Variants in FAM81B observed in about 807,000 individuals in gnomAD.
The protein encoded by FAM81B is family with sequence similarity 81 member B, also known as protein FAM81B.
FAM81B carries 60 observed loss-of-function variants against 58.7 expected under a neutral mutation model. The ratio of observed to expected loss-of-function variants is 1.02; its 90% CI spans 0.83 to 1.27. FAM81B has a LOEUF of 1.27. Among genes scored for constraint, FAM81B ranks in the 50% most tolerant of loss-of-function variants. The pLI, the probability that FAM81B is intolerant of heterozygous loss-of-function variation, is 0.00. For missense variants in FAM81B, 491 were observed against 522.0 expected, an observed-to-expected ratio of 0.94 and a Z score of 0.58; for synonymous variants, 189 against 179.6, an observed-to-expected ratio of 1.05 and a Z score of -0.42.
intron 6 of FAM81B, among the ~76,000 whole-genome samples, chr5:95,436,020 G>A (rs540626270): frequency 3.0e-4 from 46 of 152,080 alleles, no homozygotes; most frequent in South Asian, 1.0e-3. Context: ...CCATATGACC[G>A]TCTTTATTAG....
Position 95,428,642 on chromosome 5 carries a change from C to T in FAM81B, c.696C>T (p.His232=), listed in dbSNP as rs1251555795. The change falls in exon 6 of 10, where the codon CAC becomes CAT. Residue 232 remains histidine, a synonymous_variant. Coordinates refer to ENST00000283357, the MANE Select transcript of FAM81B (RefSeq NM_152548.3). Reference sequence around the variant, plus strand: ...TTGTGAAGCTTTCTGGAGACATTCACTTATTCAGGCAAGAGCACCGGCAAA... The same window carrying T: ...TTGTGAAGCTTTCTGGAGACATTCATTTATTCAGGCAAGAGCACCGGCAAA... ...SSIVKLSGDI[H]LFRQEHRQIE... 1 of 1,613,980 alleles carries T rather than the reference C, an allele frequency of 6.2e-7. No homozygotes were observed. Among genetic ancestry groups the T allele is most frequent in the South Asian group, 1.1e-5 (1 of 91,082 alleles).
At chr5:95,448,553 C>G in intron 9 of FAM81B, 89 bp downstream of exon 9, 1 of 1,213,472 alleles carries the variant, frequency 8.2e-7, no homozygotes. Flanking sequence ...GGCCAGGGAT[C>G]AATCTTGTCA....
chr5:95,439,538 G>T (rs192620927), intron 7 of FAM81B, among the ~76,000 whole-genome samples: 52 of 151,286 alleles, frequency 3.4e-4, no homozygotes, highest in Admixed American at 3.4e-3. Context: ...TCACATTAGA[G>T]ATATTAACCA....
At chr5:95,448,120 A>G (rs1425376467) in intron 8 of FAM81B, 149 bp from the exon 9 acceptor site, 1 of 698,754 alleles carries the variant, frequency 1.4e-6, no homozygotes, top group African/African-American at 1.8e-5. Context: ...ATTAACTCTT[A>G]TACTTATGAA....
At chr5:95,416,751 A>G (rs571568433) in intron 4 of FAM81B, among the ~76,000 whole-genome samples, 38 of 152,276 alleles carry the variant, frequency 2.5e-4, no homozygotes, top group African/African-American at 8.7e-4. Context: ...TGCATGGTGC[A>G]TACACCATGA....
chr5:95,434,547 T>G (rs1745025638), intron 6 of FAM81B, among the ~76,000 whole-genome samples: 1 of 152,200 alleles, frequency 6.6e-6, no homozygotes, highest in South Asian at 2.1e-4. Context: ...TTACTTTAAT[T>G]ACAGCTGCAA....
At chr5:95,414,214 TG>T in intron 4 of FAM81B, 24 bp downstream of exon 4, 1 of 1,588,050 alleles carries the variant, frequency 6.3e-7, no homozygotes. Context: ...TGTTTTATTT[TG>T]TTTTTGTTTT....
intron 5 of FAM81B, chr5:95,424,037 T>A: frequency 7.8e-7 from 1 of 1,289,502 alleles, no homozygotes; most frequent in Non-Finnish European, 1.0e-6. Context: ...TCTTTATCAT[T>A]TCTATCATCT....
chr5:95,428,108 T>C (rs1212194794), intron 5 of FAM81B, among the ~76,000 whole-genome samples: 4 of 152,142 alleles, frequency 2.6e-5, no homozygotes, highest in African/African-American at 9.7e-5. Context: ...TTGGAGAAGA[T>C]GGATTGGAAG....
intron 4 of FAM81B, among the ~76,000 whole-genome samples, chr5:95,419,295 A>C (rs1762617266): frequency 6.6e-6 from 1 of 152,182 alleles, no homozygotes; most frequent in East Asian, 1.9e-4. Flanking sequence ...TTCCTTTCCT[A>C]GTAAAATTCA....
chr5:95,401,051 T>G (rs1561291127), intron 3 of FAM81B, among the ~76,000 whole-genome samples: 2 of 152,078 alleles, frequency 1.3e-5, no homozygotes, highest in South Asian at 2.1e-4. Flanking sequence ...CCTGTAAGTA[T>G]GACCCAGACA....
At chr5:95,399,557 G>A (rs549041777) in intron 3 of FAM81B, among the ~76,000 whole-genome samples, 3 of 151,692 alleles carry the variant, frequency 2.0e-5, no homozygotes, top group African/African-American at 7.3e-5. Flanking sequence ...ATTACCCATA[G>A]GGACCCCCAA....
intron 3 of FAM81B, among the ~76,000 whole-genome samples, chr5:95,410,472 G>C (rs1762377630): frequency 1.3e-5 from 2 of 152,190 alleles, no homozygotes; most frequent in Non-Finnish European, 2.9e-5. Flanking sequence ...AAAATCTGCT[G>C]TCCCGAGGAC....
At chr5:95,415,299 T>C (rs895866189) in intron 4 of FAM81B, among the ~76,000 whole-genome samples, 2 of 152,208 alleles carry the variant, frequency 1.3e-5, no homozygotes, top group African/African-American at 4.8e-5. Context: ...ACGATACTTG[T>C]CCTTTTCTAC....
rs75628388 is a variant in FAM81B at position 95,415,659 on chromosome 5, A to G, written c.537+1469A>G. Among the ~76,000 whole-genome samples the G allele has an allele frequency of 1.2e-3, 176 of 152,342 alleles. 1 individual carries two copies. The highest frequency in any genetic ancestry group is 1.9e-3 in the Non-Finnish European group (127 of 68,024). On this transcript the variant is annotated intron_variant, in intron 4 of 9. Coordinates refer to ENST00000283357, the MANE Select transcript of FAM81B (RefSeq NM_152548.3). ...AATGACTAGAAAATCAAGTAAGTAC[A>G]GCATAGTGCTAAAATAAGATTCCAA... is the stretch of plus-strand genomic sequence containing the variant.
At chr5:95,407,359 C>T (rs1762277178) in intron 3 of FAM81B, among the ~76,000 whole-genome samples, 1 of 144,144 alleles carries the variant, frequency 6.9e-6, no homozygotes, top group African/African-American at 2.6e-5. Context: ...TTGAAAGCTA[C>T]CTGAGTGATT....
At chr5:95,412,182 T>C (rs1404604699) in intron 3 of FAM81B, among the ~76,000 whole-genome samples, 1 of 152,120 alleles carries the variant, frequency 6.6e-6, no homozygotes, top group Non-Finnish European at 1.5e-5. Flanking sequence ...AGAGAATATG[T>C]TCACATTTCA....
intron 2 of FAM81B, 111 bp from the exon 3 acceptor site, chr5:95,396,000 G>T (rs1005840818): frequency 1.1e-5 from 9 of 803,172 alleles, no homozygotes; most frequent in Non-Finnish European, 1.8e-5. Flanking sequence ...CTGATTATCT[G>T]GTCTATGGTA....
Position 95,414,109 on chromosome 5 carries a change from G to A in FAM81B, c.456G>A (p.Glu152=), listed in dbSNP as rs763018537. ...CLQGTHGFRK[E]ESLARKLLES... is the part of the protein sequence containing the mutation. The stretch of plus-strand genomic sequence containing the variant: ...AGGGGACCCATGGCTTTCGAAAAGA[G>A]GAATCGCTCGCCAGGAAGTTACTGG... Residue 152 remains glutamate (E), a synonymous_variant, in exon 4 of 10, where the codon GAG becomes GAA. Coordinates refer to ENST00000283357, the MANE Select transcript of FAM81B (RefSeq NM_152548.3). 3.1e-6 allele frequency: 5 copies of A among 1,613,938 alleles called. No homozygotes were observed. The highest frequency in any genetic ancestry group is 1.7e-5 in the Admixed American group (1 of 59,980).
Sources: allele counts gnomAD v4.1 joint callset (sites outside exome capture counted in the v4.1 genomes callset), GRCh38; gene constraint gnomAD v4.1.1; transcripts MANE v1.5; gene names NCBI Gene and HGNC (gene_info 2026-07-23, HGNC 2026-07-21).